Variants in PPP2R3C observed in about 807,000 individuals in gnomAD.
The protein encoded by PPP2R3C is serine/threonine-protein phosphatase 2A regulatory subunit B'' subunit gamma.
In PPP2R3C, 47 loss-of-function variants were observed where a neutral mutation model predicts 63.7. The ratio of observed to expected loss-of-function variants is 0.74; its 90% CI spans 0.58 to 0.94. The LOEUF (loss-of-function observed/expected upper bound fraction) is 0.94, where lower values mean the gene tolerates loss of function less well. Ranked by LOEUF, PPP2R3C falls within the 40% of genes least tolerant of loss-of-function variation. The probability of loss-of-function intolerance (pLI) is 0.00; values close to 1 mark genes in which losing one functional copy is unlikely to be tolerated. For synonymous variants in PPP2R3C, 180 were observed against 177.4 expected (o/e 1.01, Z -0.12); for missense variants, 421 against 518.4 (o/e 0.81, Z 1.82).
At chr14:35,090,867 C>G (rs1383237335) in intron 11 of PPP2R3C, among the ~76,000 whole-genome samples, 1 of 152,046 alleles carries the variant, frequency 6.6e-6, no homozygotes, top group African/African-American at 2.4e-5. Context: ...AGGCACCCAC[C>G]ACCACACCTG....
chr14:35,107,577 A>G (rs2273159), intron 5 of PPP2R3C: 459,952 of 545,920 alleles, frequency 0.84, 194,902 homozygotes, highest in Non-Finnish European at 0.87. Context: ...TAAAATTGAC[A>G]CCTTGAAGAT....
At chr14:35,099,143 G>A (rs2046103363) in intron 7 of PPP2R3C, 109 bp downstream of exon 7, 1 of 1,316,066 alleles carries the variant, frequency 7.6e-7, no homozygotes, top group South Asian at 1.9e-5. Flanking sequence ...AATTTTTAAT[G>A]GCAGTGACAG....
intron 6 of PPP2R3C, chr14:35,100,164 T>C (rs774129197): frequency 2.0e-5 from 3 of 152,212 alleles, no homozygotes; most frequent in Non-Finnish European, 4.4e-5. Flanking sequence ...AATAAATAGC[T>C]ATATATTATA....
chr14:35,109,611 G>A (rs943609433), intron 4 of PPP2R3C, among the ~76,000 whole-genome samples: 44 of 151,698 alleles, frequency 2.9e-4, no homozygotes, highest in African/African-American at 1.0e-3. Context: ...ACAGGTGTAC[G>A]CCCCCACACC....
chr14:35,121,300 C>G (rs1222240573), intron 1 of PPP2R3C, among the ~76,000 whole-genome samples: 1 of 152,030 alleles, frequency 6.6e-6, no homozygotes, highest in Non-Finnish European at 1.5e-5. Context: ...CCGCTTGAAC[C>G]CGGGAGGCAG....
intron 9 of PPP2R3C, 109 bp from the exon 10 acceptor site, chr14:35,095,293 T>A: frequency 8.9e-7 from 1 of 1,121,782 alleles, no homozygotes; most frequent in Non-Finnish European, 1.3e-6. Context: ...TTCAAACTAT[T>A]CATGTTATGA....
chr14:35,095,025 T>C lies in PPP2R3C; in HGVS notation c.975+23A>G, dbSNP rs372312834. The C allele has an allele frequency of 4.2e-5, 67 of 1,589,844 alleles. No homozygotes were observed. In the African/African-American group the frequency reaches 8.7e-4, roughly 21 times the overall value. ...TCTGGGAGCCTAAACTTTTAAAACT[T>C]AGCAGCAGATTTAAACTACTACCAT... On this transcript the variant is annotated intron_variant, in intron 10 of 12. Coordinates refer to ENST00000261475, the MANE Select transcript of PPP2R3C (RefSeq NM_017917.4).
chr14:35,096,208 C>T (rs1030656064), intron 9 of PPP2R3C, among the ~76,000 whole-genome samples: 1 of 145,450 alleles, frequency 6.9e-6, no homozygotes, highest in African/African-American at 2.5e-5. Context: ...CCAGGCATGG[C>T]GCCTGTAGAC....
intron 10 of PPP2R3C, 145 bp from the exon 11 acceptor site, chr14:35,091,352 T>C: frequency 1.3e-6 from 1 of 747,436 alleles, no homozygotes; most frequent in African/African-American, 1.8e-5. Context: ...TCCATTTATA[T>C]ACTTAATATT....
chr14:35,094,295 C>T (rs547351861), intron 10 of PPP2R3C, among the ~76,000 whole-genome samples: 6 of 152,196 alleles, frequency 3.9e-5, no homozygotes, highest in South Asian at 2.1e-4. Context: ...CTCAGCCTCC[C>T]GAGTAGCTAT....
chr14:35,099,127 T>C, intron 7 of PPP2R3C, 125 bp downstream of exon 7: 2 of 1,271,412 alleles, frequency 1.6e-6, no homozygotes, highest in Non-Finnish European at 2.1e-6. Context: ...TCCTTGAAAT[T>C]CACCAAATTT....
chr14:35,096,432 C>CTAAA, intron 9 of PPP2R3C, 126 bp downstream of exon 9: 1 of 926,136 alleles, frequency 1.1e-6, no homozygotes, highest in Non-Finnish European at 1.6e-6. Context: ...ATGTAGAATA[C>CTAAA]TAAAGCTTAA....
chr14:35,095,120 A>G lies in PPP2R3C; in HGVS notation c.903T>C (p.Tyr301=), dbSNP rs771804521. 14 of 1,611,866 alleles carry G rather than the reference A, an allele frequency of 8.7e-6. No homozygotes were observed. The highest frequency in any genetic ancestry group is 1.6e-4 in the Middle Eastern group (1 of 6,080). Residue 301 remains tyrosine, a synonymous_variant, in exon 10 of 13, where the codon TAT becomes TAC. Transcript: ENST00000261475. The part of the protein sequence containing the change: ...GMLSKEELSR[Y]GTATMTNVFL... ...AGACATTGGTCATGGTAGCTGTTCCATAGCGTGAGAGTTCTTCTTTACTGA... is the reference window on the plus strand; with the variant it reads ...AGACATTGGTCATGGTAGCTGTTCCGTAGCGTGAGAGTTCTTCTTTACTGA...
At chr14:35,118,993 G>A (rs1006572800) in intron 1 of PPP2R3C, among the ~76,000 whole-genome samples, 6 of 151,346 alleles carry the variant, frequency 4.0e-5, no homozygotes, top group Non-Finnish European at 7.4e-5. Flanking sequence ...TATGAAGAGT[G>A]CAGAGAAATG....
At chr14:35,095,745 G>A (rs940270691) in intron 9 of PPP2R3C, among the ~76,000 whole-genome samples, 1 of 150,994 alleles carries the variant, frequency 6.6e-6, no homozygotes, top group Non-Finnish European at 1.5e-5. Flanking sequence ...AGGTACTTGG[G>A]AGGCTGAGGC....
chr14:35,090,388 T>C (rs765403106), intron 11 of PPP2R3C, among the ~76,000 whole-genome samples: 4 of 151,560 alleles, frequency 2.6e-5, no homozygotes, highest in Admixed American at 1.3e-4. Flanking sequence ...ATTACAGGCA[T>C]GTGGACCCAG....
intron 1 of PPP2R3C, 104 bp downstream of exon 1, chr14:35,121,798 A>G (rs2046907668): frequency 7.7e-7 from 1 of 1,305,864 alleles, no homozygotes; most frequent in African/African-American, 1.5e-5. Flanking sequence ...GGTTTCACAG[A>G]AGCGGAAAAG....
chr14:35,099,981 A>C (rs2138649653), intron 6 of PPP2R3C: 1 of 153,086 alleles, frequency 6.5e-6, no homozygotes, highest in South Asian at 2.1e-4. Flanking sequence ...CTCGTGATCC[A>C]GCCACCTCTG....
chr14:35,102,425 T>G (rs556790844), intron 6 of PPP2R3C: 1 of 152,350 alleles, frequency 6.6e-6, no homozygotes, highest in Non-Finnish European at 1.5e-5. Context: ...ATAGGACAAC[T>G]GGCATCTCAA....
Sources: gnomAD v4.1 joint callset for allele counts (sites outside exome capture counted in the v4.1 genomes callset) on GRCh38, gnomAD v4.1.1 for gene constraint, MANE v1.5 for transcripts, NCBI Gene and HGNC (gene_info 2026-07-23, HGNC 2026-07-21) for gene names.